Variants in STEEP1 observed in about 807,000 individuals in gnomAD.
STEEP1 encodes STING ER exit protein.
A neutral mutation model predicts 19.2 loss-of-function variants in STEEP1; 3 were observed. The observed-to-expected ratio is 0.16, with a 90% CI of 0.07 to 0.40. The LOEUF (loss-of-function observed/expected upper bound fraction) is 0.40. Among genes scored for constraint, STEEP1 ranks in the 10% least tolerant of loss-of-function variants. The probability of loss-of-function intolerance (pLI) is 0.99; values close to 1 mark genes in which losing one functional copy is unlikely to be tolerated. For missense variants in STEEP1, 54 were observed against 177.1 expected (o/e 0.30, Z 3.94); for synonymous variants, 46 against 63.7 (o/e 0.72, Z 1.32).
At chrX:119,563,188 C>T (rs781545558) in intron 1 of STEEP1, among the ~76,000 whole-genome samples, 57 of 111,756 alleles carry the variant, frequency 5.1e-4, no homozygotes, top group African/African-American at 1.7e-3. Flanking sequence ...GTGGAAGCAA[C>T]GAGAGCAAGA....
intron 2 of STEEP1, among the ~76,000 whole-genome samples, chrX:119,546,589 G>A (rs1405530781): frequency 9.0e-6 from 1 of 111,090 alleles, no homozygotes; most frequent in Non-Finnish European, 1.9e-5. Context: ...GTGGAGCTAG[G>A]AAGCAGAGGT....
chrX:119,561,774 G>C (rs1334772724), intron 1 of STEEP1, among the ~76,000 whole-genome samples: 2 of 112,271 alleles, frequency 1.8e-5, no homozygotes, highest in Non-Finnish European at 3.8e-5. Flanking sequence ...AAGATGAATA[G>C]AGGAGGTGAA....
intron 2 of STEEP1, among the ~76,000 whole-genome samples, chrX:119,557,422 A>G (rs2053288205): frequency 9.8e-6 from 1 of 101,849 alleles, no homozygotes; most frequent in South Asian, 4.6e-4. Context: ...ACATGGTGAA[A>G]CCCCATCTCT....
intron 2 of STEEP1, among the ~76,000 whole-genome samples, chrX:119,559,744 C>A (rs763358445): frequency 1.8e-5 from 2 of 112,279 alleles, no homozygotes; most frequent in East Asian, 5.6e-4. Flanking sequence ...AAACAAACTA[C>A]GGCTATCAAA....
intron 2 of STEEP1, among the ~76,000 whole-genome samples, chrX:119,555,510 C>T (rs188500391): frequency 9.0e-6 from 1 of 111,026 alleles, no homozygotes; most frequent in Admixed American, 9.7e-5. Flanking sequence ...GATTTTTCAT[C>T]TAAAAATGTT....
At chrX:119,545,582 G>A (rs894611542) in intron 2 of STEEP1, 78 bp from the exon 3 acceptor site, 30 of 694,907 alleles carry the variant, frequency 4.3e-5, no homozygotes, top group South Asian at 4.4e-5. Flanking sequence ...TTCTTCAAAC[G>A]CTAAGAGGCC....
chrX:119,543,194 CT>C (rs1215016885), intron 4 of STEEP1, among the ~76,000 whole-genome samples: 69 of 100,264 alleles, frequency 6.9e-4, no homozygotes, highest in Admixed American at 1.1e-3. Context: ...TTTTTAATTA[CT>C]TTTTTTTTTT....
chrX:119,540,388 T>A (rs2053154882), intron 6 of STEEP1, among the ~76,000 whole-genome samples: 1 of 111,504 alleles, frequency 9.0e-6, no homozygotes, highest in South Asian at 3.7e-4. Flanking sequence ...GAAGCACTGT[T>A]CTAAACGACT....
intron 2 of STEEP1, 26 bp downstream of exon 2, chrX:119,560,242 C>T: frequency 9.5e-7 from 1 of 1,050,339 alleles, no homozygotes; most frequent in African/African-American, 1.8e-5. Flanking sequence ...TAGGGAAATC[C>T]TAAACAGGGA....
chrX:119,545,111 T>C (rs1301221052), intron 3 of STEEP1, among the ~76,000 whole-genome samples: 1 of 109,781 alleles, frequency 9.1e-6, no homozygotes, highest in African/African-American at 3.3e-5. Flanking sequence ...CCCAGCAGTT[T>C]TGGAGGCTGA....
At chrX:119,546,245 A>T (rs979337171) in intron 2 of STEEP1, among the ~76,000 whole-genome samples, 11 of 110,116 alleles carry the variant, frequency 1.0e-4, no homozygotes, top group African/African-American at 3.6e-4. Flanking sequence ...GTTCGAGACT[A>T]TCCTGGCCAA....
chrX:119,553,151 C>CA (rs1237472493), intron 2 of STEEP1, among the ~76,000 whole-genome samples: 45 of 53,491 alleles, frequency 8.4e-4, no homozygotes, highest in Admixed American at 1.2e-3. Flanking sequence ...GAGACTGTCT[C>CA]AAAAAAAAAA....
At chrX:119,555,675 T>C (rs1349470535) in intron 2 of STEEP1, among the ~76,000 whole-genome samples, 3 of 108,489 alleles carry the variant, frequency 2.8e-5, no homozygotes, top group Admixed American at 2.0e-4. Flanking sequence ...ACTTCAGTAG[T>C]CTAAGTAAGT....
intron 2 of STEEP1, among the ~76,000 whole-genome samples, chrX:119,554,143 A>G (rs2053263009): frequency 8.9e-6 from 1 of 112,227 alleles, no homozygotes; most frequent in Admixed American, 9.5e-5. Context: ...CTGTGACCAA[A>G]AACAAAACAA....
At chrX:119,544,248 A>G in intron 4 of STEEP1, 105 bp downstream of exon 4, 1 of 572,667 alleles carries the variant, frequency 1.7e-6, no homozygotes. Flanking sequence ...AAGAAATAAA[A>G]AGAATACATC....
chrX:119,557,169 A>AG (rs1556215407), intron 2 of STEEP1, among the ~76,000 whole-genome samples: 1 of 105,365 alleles, frequency 9.5e-6, no homozygotes, highest in African/African-American at 3.4e-5. Context: ...AAAAAAAAAA[A>AG]AAAAGAAAAG....
chrX:119,539,724 T>C lies in STEEP1; in HGVS notation c.*3A>G. 8.3e-7 allele frequency: 1 copy of C among 1,204,150 alleles called. No homozygotes were observed. Among genetic ancestry groups the C allele is most frequent in the Non-Finnish European group, 1.1e-6 (1 of 889,303 alleles). ...CTAGTCTAGGGCTTAGAAAAAGGCC[T>C]GGTTATTTGAACTGGTTGTCAATCA... On this transcript the variant is annotated 3_prime_UTR_variant, in exon 7 of 7. Transcript: ENST00000644802.
intron 2 of STEEP1, among the ~76,000 whole-genome samples, chrX:119,550,409 T>C (rs2053234985): frequency 1.8e-5 from 2 of 111,434 alleles, no homozygotes; most frequent in African/African-American, 3.3e-5. Flanking sequence ...AATAAACCCA[T>C]ACATATATGG....
At chrX:119,547,034 T>C (rs1049757512) in intron 2 of STEEP1, among the ~76,000 whole-genome samples, 11 of 112,064 alleles carry the variant, frequency 9.8e-5, no homozygotes, top group Non-Finnish European at 2.1e-4. Flanking sequence ...AGGCAAATAC[T>C]GTTTCTGGTT....
Sources: gnomAD v4.1 joint callset for allele counts (sites outside exome capture counted in the v4.1 genomes callset) on GRCh38, gnomAD v4.1.1 for gene constraint, MANE v1.5 for transcripts, NCBI Gene and HGNC (gene_info 2026-07-23, HGNC 2026-07-21) for gene names.